NME8: variants seen among roughly 807,000 people sequenced by gnomAD.
NME8 encodes the protein NME/NM23 family member 8, also known as protein NME8.
Under a neutral mutation model 82.3 loss-of-function variants are expected in NME8, and 72 were observed. That is an observed-to-expected ratio of 0.87 (90% CI 0.72 to 1.06). NME8 has a LOEUF of 1.06. Among genes scored for constraint, NME8 ranks in the 50% least tolerant of loss-of-function variants. The pLI is 0.00. For synonymous variants in NME8, 267 were observed against 228.5 expected (o/e 1.17, Z -1.52); for missense variants, 712 against 685.4 (o/e 1.04, Z -0.43).
At chr7:37,883,977 ACACACACACC>A (rs1383211074) in intron 12 of NME8, among the ~76,000 whole-genome samples, 2 of 150,874 alleles carry the variant, frequency 1.3e-5, no homozygotes, top group South Asian at 2.1e-4. Flanking sequence ...ACACACACAC[ACACACACACC>A]CACACAATCA....
At chr7:37,887,791 C>A (rs1054952930) in intron 14 of NME8, among the ~76,000 whole-genome samples, 1 of 152,132 alleles carries the variant, frequency 6.6e-6, no homozygotes, top group East Asian at 1.9e-4. Flanking sequence ...GGTACCTCTT[C>A]ACAGGGTGGC....
At position 37,884,318 on chromosome 7, in the gene NME8, T is replaced by C; in HGVS notation, c.1010T>C (p.Ile337Thr). 6.3e-7 allele frequency: 1 copy of C among 1,587,456 alleles called. No homozygotes were observed. The highest frequency in any genetic ancestry group is 8.7e-7 in the Non-Finnish European group (1 of 1,155,804). Residue 337 changes from isoleucine (I) to threonine (T), a missense_variant, in exon 13 of 18, where the codon ATT (isoleucine) becomes ACT (threonine). Ile to Thr is a moderately conservative substitution (Grantham distance 89). Transcript: ENST00000199447. ...FHERKDDVLR[I>T]IKDEDFKILE... Reference sequence around the variant, plus strand: ...TTTTATTTAGATGATGTTTTGCGTATTATTAAAGATGAAGACTTCAAAATA... The same window carrying C: ...TTTTATTTAGATGATGTTTTGCGTACTATTAAAGATGAAGACTTCAAAATA...
chr7:37,854,438 A>G (rs1784481952), intron 5 of NME8, among the ~76,000 whole-genome samples: 1 of 152,104 alleles, frequency 6.6e-6, no homozygotes, highest in African/African-American at 2.4e-5. Flanking sequence ...AAGCAGGCAT[A>G]GTGGATGTAA....
At chr7:37,893,082 A>G (rs1484712131) in intron 15 of NME8, among the ~76,000 whole-genome samples, 2 of 152,024 alleles carry the variant, frequency 1.3e-5, no homozygotes, top group East Asian at 1.9e-4. Context: ...ATAATTAGGT[A>G]GTTTCTTAAT....
intron 11 of NME8, among the ~76,000 whole-genome samples, chr7:37,875,961 A>G (rs1382649104): frequency 1.3e-5 from 2 of 152,116 alleles, no homozygotes; most frequent in African/African-American, 4.8e-5. Flanking sequence ...TAATCCCAGC[A>G]CTTTGGGAGG....
At position 37,850,400 on chromosome 7, in the gene NME8, T is replaced by C; in HGVS notation, c.56T>C (p.Leu19Pro). Residue 19 changes from leucine (L) to proline (P), a missense_variant, in exon 4 of 18, where the codon CTG (leucine) becomes CCG (proline). Leu to Pro is a moderately conservative substitution (Grantham distance 98). Transcript: ENST00000199447. ...CAGACAGTCATCAATAATCAAAGCC[T>C]GTGGGATGAGATGTTGCAGAACAAA... ...QLQTVINNQS[L>P]WDEMLQNKGL... is the part of the protein sequence containing the mutation. 1 of 1,614,152 alleles carries C rather than the reference T, an allele frequency of 6.2e-7. No homozygotes were observed. The highest frequency in any genetic ancestry group is 1.1e-5 in the South Asian group (1 of 91,086).
chr7:37,872,724 G>T (rs977058635), intron 11 of NME8, among the ~76,000 whole-genome samples: 2 of 141,200 alleles, frequency 1.4e-5, no homozygotes, highest in African/African-American at 5.0e-5. Flanking sequence ...ATATGCTGAG[G>T]GGATCAATTG....
intron 14 of NME8, among the ~76,000 whole-genome samples, chr7:37,887,793 C>G (rs915091052): frequency 6.6e-6 from 1 of 152,140 alleles, no homozygotes; most frequent in Admixed American, 6.6e-5. Context: ...TACCTCTTCA[C>G]AGGGTGGCAG....
At chr7:37,879,701 T>C (rs535201039) in intron 12 of NME8, among the ~76,000 whole-genome samples, 1 of 152,312 alleles carries the variant, frequency 6.6e-6, no homozygotes, top group East Asian at 1.9e-4. Context: ...TTCATTTTAA[T>C]TGGGTAAATA....
intron 15 of NME8, among the ~76,000 whole-genome samples, chr7:37,888,926 G>GAA (rs1785086115): frequency 6.6e-6 from 1 of 150,490 alleles, no homozygotes; most frequent in Non-Finnish European, 1.5e-5. Context: ...TTTTTGGTTT[G>GAA]ATATCTATCA....
intron 11 of NME8, among the ~76,000 whole-genome samples, chr7:37,869,413 C>T (rs1305010690): frequency 6.6e-6 from 1 of 151,844 alleles, no homozygotes. Flanking sequence ...TTGAGCCATT[C>T]AAAAAACAAA....
At chr7:37,867,167 G>A (rs752459498) in intron 10 of NME8, among the ~76,000 whole-genome samples, 1 of 152,124 alleles carries the variant, frequency 6.6e-6, no homozygotes, top group African/African-American at 2.4e-5. Context: ...TCCCCTACCA[G>A]TGAAGATAAG....
At chr7:37,891,713 C>G (rs1171543924) in intron 15 of NME8, among the ~76,000 whole-genome samples, 1 of 151,924 alleles carries the variant, frequency 6.6e-6, no homozygotes, top group Non-Finnish European at 1.5e-5. Flanking sequence ...CCTCATCCTT[C>G]TTTTCTGCTT....
Position 37,884,670 on chromosome 7 carries a change from A to G in NME8, c.1139+223A>G, listed in dbSNP as rs572708868. Among the ~76,000 whole-genome samples the G allele has an allele frequency of 2.6e-5, 4 of 152,330 alleles. No homozygotes were observed. In the South Asian group the frequency reaches 8.3e-4, roughly 32 times the overall value. The stretch of plus-strand genomic sequence containing the variant: ...GGAATAGTAGGAAGGTCTCAGAGGA[A>G]GTTACTGGAGTCCCATTGAGTTGAA... On this transcript the variant is annotated intron_variant, in intron 13 of 17. Coordinates refer to ENST00000199447, the MANE Select transcript of NME8 (RefSeq NM_016616.5).
In NME8 at chr7:37,884,390, T is replaced by G. The variant is rs2131967289; in HGVS notation, c.1082T>G (p.Leu361Arg). 1.9e-6 allele frequency: 3 copies of G among 1,610,358 alleles called. No homozygotes were observed. Among genetic ancestry groups the G allele is most frequent in the Admixed American group, 3.3e-5 (2 of 60,014 alleles). The change falls in exon 13 of 18, where the codon CTG (leucine) becomes CGG (arginine). Residue 361 changes from leucine (L) to arginine (R), a missense_variant. Coordinates refer to ENST00000199447, the MANE Select transcript of NME8 (RefSeq NM_016616.5). ...VVLSEKEAQA[L>R]CKEYENEDYF... ...TTATCGGAAAAAGAAGCACAAGCAC[T>G]GTGCAAGGAATATGAAAATGAAGAC...
At chr7:37,885,460 G>A (rs972596157) in intron 14 of NME8, among the ~76,000 whole-genome samples, 1 of 152,184 alleles carries the variant, frequency 6.6e-6, no homozygotes, top group Non-Finnish European at 1.5e-5. Context: ...AAACCACTGT[G>A]AGGTGCTAGG....
In NME8 at chr7:37,862,085, G is replaced by A; in HGVS notation, c.328G>A (p.Val110Ile). ...AAATGCACCGCTTGTTAATAAAAAA[G>A]TTATTAATTTGATCGATGAGGAGAG... Reference protein sequence around the residue: ...GANAPLVNKKVINLIDEERKI... With the variant: ...GANAPLVNKKIINLIDEERKI... The change falls in exon 7 of 18, where the codon GTT becomes ATT. Residue 110 changes from valine to isoleucine, a missense_variant. Physicochemically the swap from Val to Ile is conservative, Grantham distance 29 (BLOSUM62 3). Transcript: ENST00000199447. The A allele has an allele frequency of 3.1e-6, 5 of 1,613,768 alleles. No individual in the cohort carries two copies. Among genetic ancestry groups the A allele is most frequent in the Non-Finnish European group, 4.2e-6 (5 of 1,179,800 alleles).
intron 14 of NME8, among the ~76,000 whole-genome samples, chr7:37,886,410 A>G (rs1331135722): frequency 6.6e-6 from 1 of 152,058 alleles, no homozygotes; most frequent in Non-Finnish European, 1.5e-5. Context: ...ATTAATCTTA[A>G]TCTTTATTTC....
chr7:37,866,481 G>A (rs1458236047), intron 10 of NME8, among the ~76,000 whole-genome samples: 1 of 152,120 alleles, frequency 6.6e-6, no homozygotes, highest in Non-Finnish European at 1.5e-5. Context: ...CAATTCCTGG[G>A]CCCCACCTCA....
Sources: allele counts gnomAD v4.1 joint callset (sites outside exome capture counted in the v4.1 genomes callset), GRCh38; gene constraint gnomAD v4.1.1; transcripts MANE v1.5; gene names NCBI Gene and HGNC (gene_info 2026-07-23, HGNC 2026-07-21).